The following BEND3 variants were observed in gnomAD, a reference collection of about 807,000 sequenced individuals.
BEND3 encodes the protein BEN domain-containing protein 3.
A neutral mutation model predicts 60.1 loss-of-function variants in BEND3; 13 were observed. The ratio of observed to expected loss-of-function variants is 0.22; its 90% CI spans 0.14 to 0.34. The LOEUF (loss-of-function observed/expected upper bound fraction) is 0.34. Among genes scored for constraint, BEND3 ranks in the 10% least tolerant of loss-of-function variants. BEND3 has a pLI of 1.00. For missense variants in BEND3, 896 were observed against 1,138.1 expected (o/e 0.79, Z 3.06); for synonymous variants, 497 against 491.5 (o/e 1.01, Z -0.15).
chr6:107,069,222 G>C lies in BEND3; in HGVS notation c.1969C>G (p.Gln657Glu). ...GGGCCCGGCACGTGGACCTTGCGCT[G>C]CTGCTGGTAGGAGCGCCTTTGCTCC... Reference protein sequence around the residue: ...DTEQRRSYQQQRKVHVPGPEC... With the variant: ...DTEQRRSYQQERKVHVPGPEC... Residue 657 changes from glutamine to glutamate, a missense_variant, in exon 4 of 4, where the codon CAG (glutamine) becomes GAG (glutamate). By Grantham distance (29) the Gln-to-Glu change is conservative (BLOSUM62 2). Transcript: ENST00000369042. 1.9e-6 allele frequency: 3 copies of C among 1,612,180 alleles called. No individual in the cohort carries two copies. Among genetic ancestry groups the C allele is most frequent in the South Asian group, 2.2e-5 (2 of 90,972 alleles).
chr6:107,074,593 G>A lies in BEND3; in HGVS notation c.241-3643C>T, dbSNP rs570642795. Among the ~76,000 whole-genome samples, 44 of 152,202 alleles carry A rather than the reference G, an allele frequency of 2.9e-4. 1 individual carries two copies. The highest frequency in any genetic ancestry group is 1.9e-4 in the East Asian group (1 of 5,178). ...CCTCAGGGTAAGTCACTCATGGAAG[G>A]CACTTCTTAGAGGTCTGTTTGTCCT... On this transcript the variant is annotated intron_variant, in intron 3 of 3. Coordinates refer to ENST00000369042, the MANE Select transcript of BEND3 (RefSeq NM_001367314.1).
chr6:107,085,634 G>A (rs1554234120), intron 3 of BEND3, among the ~76,000 whole-genome samples: 1 of 151,686 alleles, frequency 6.6e-6, no homozygotes, highest in African/African-American at 2.4e-5. Flanking sequence ...TGGGACTACA[G>A]GCGCCTGCCA....
intron 3 of BEND3, among the ~76,000 whole-genome samples, chr6:107,081,222 C>CTTT (rs371738822): frequency 7.8e-6 from 1 of 128,448 alleles, no homozygotes; most frequent in East Asian, 2.3e-4. Flanking sequence ...TTTACACAAA[C>CTTT]TTTTTTTTTT....
Position 107,070,212 on chromosome 6 carries a change from C to T in BEND3, c.979G>A (p.Glu327Lys), listed in dbSNP as rs782336685. ...SVKDTAVWQA[E>K]CLPQLNDFFS... ...AAGTCGTTCAGCTGGGGCAGGCACTCGGCCTGCCACACAGCCGTGTCCTTC... is the reference window on the plus strand; with the variant it reads ...AAGTCGTTCAGCTGGGGCAGGCACTTGGCCTGCCACACAGCCGTGTCCTTC... The change falls in exon 4 of 4, where the codon GAG becomes AAG. Residue 327 changes from glutamate to lysine, a missense_variant. Transcript: ENST00000369042. This position sits in a 1 kb window ranked among gnomAD's most constrained non-coding sequence, Gnocchi z 6.9. The T allele has an allele frequency of 1.1e-5, 18 of 1,612,410 alleles. No homozygotes were observed. The highest frequency in any genetic ancestry group is 4.0e-5 in the African/African-American group (3 of 74,938).
At position 107,113,458 on chromosome 6, in the gene BEND3, A is replaced by C. The variant is rs74521944; in HGVS notation, c.-12+1632T>G. ...GTCTCAAAAAAAAAAAAAAAACAAA[A>C]AAAAAACTCATGTTCCATGACAGGA... On this transcript the variant is annotated intron_variant, in intron 1 of 3. Transcript: ENST00000369042. Among the ~76,000 whole-genome samples the C allele has an allele frequency of 4.5e-3, 668 of 147,740 alleles. 15 individuals carry two copies. Among genetic ancestry groups the C allele is most frequent in the African/African-American group, 0.016 (607 of 38,278 alleles).
At chr6:107,098,437 T>A (rs1006112033) in intron 3 of BEND3, 114 bp downstream of exon 3, 49 of 1,074,258 alleles carry the variant, frequency 4.6e-5, no homozygotes, top group Non-Finnish European at 6.6e-5. Context: ...AATGAAACCT[T>A]CCCATGCCCA....
Position 107,067,049 on chromosome 6 carries a change from A to G in BEND3, c.*1655T>C, listed in dbSNP as rs1774848428. 1 of 152,208 alleles carries G rather than the reference A, an allele frequency of 6.6e-6. No homozygotes were observed. Among genetic ancestry groups the G allele is most frequent in the Non-Finnish European group, 1.5e-5 (1 of 68,054 alleles). The allele number at this position is 152,208 out of a possible 1,614,324, so 9.4% of individuals were successfully genotyped here. A position where few individuals can be genotyped will look rare whatever the true frequency, so the allele number is the denominator to read the frequency against. ...AAATAATCTGTAAATGACACTTAGG[A>G]GCAAATTTACTAGTTAGATCAGCAA... On this transcript the variant is annotated 3_prime_UTR_variant, in exon 4 of 4. Transcript: ENST00000369042.
At chr6:107,100,398 G>C (rs1210824681) in intron 1 of BEND3, among the ~76,000 whole-genome samples, 1 of 152,094 alleles carries the variant, frequency 6.6e-6, no homozygotes, top group Admixed American at 6.6e-5. Context: ...CTCCCGAGTA[G>C]CTGGGACTAC....
intron 3 of BEND3, among the ~76,000 whole-genome samples, chr6:107,096,311 A>G (rs868958345): frequency 6.6e-6 from 1 of 152,208 alleles, no homozygotes; most frequent in Middle Eastern, 3.2e-3. Flanking sequence ...TGATTACATT[A>G]CATGAAATGC....
Position 107,066,052 on chromosome 6 carries a change from A to G in BEND3, c.*2652T>C, listed in dbSNP as rs1325056595. 6.6e-6 allele frequency: 1 copy of G among 151,624 alleles called. No individual in the cohort carries two copies. Among genetic ancestry groups the G allele is most frequent in the East Asian group, 1.9e-4 (1 of 5,168 alleles). The allele number at this position is 151,624 out of a possible 1,614,324, so 9.4% of individuals were successfully genotyped here. ...TGACTTACTAGTTCATTCAACATCAAAACGTGTCTGTGCTAATCTTTTAGT... is the reference window on the plus strand; with the variant it reads ...TGACTTACTAGTTCATTCAACATCAGAACGTGTCTGTGCTAATCTTTTAGT... On this transcript the variant is annotated 3_prime_UTR_variant, in exon 4 of 4. Coordinates refer to ENST00000369042, the MANE Select transcript of BEND3 (RefSeq NM_001367314.1).
chr6:107,075,184 C>A (rs1310638448), intron 3 of BEND3, among the ~76,000 whole-genome samples: 1 of 151,392 alleles, frequency 6.6e-6, no homozygotes, highest in Admixed American at 6.6e-5. Flanking sequence ...TGTGACTGCA[C>A]CACTGTACCA....
chr6:107,093,534 T>G (rs1399260498), intron 3 of BEND3, among the ~76,000 whole-genome samples: 2 of 150,746 alleles, frequency 1.3e-5, no homozygotes, highest in African/African-American at 4.9e-5. Flanking sequence ...AAAGCTACAG[T>G]AATCAAGACA....
At chr6:107,098,848 C>G in intron 2 of BEND3, 95 bp from the exon 3 acceptor site, 1 of 995,422 alleles carries the variant, frequency 1.0e-6, no homozygotes, top group Non-Finnish European at 1.5e-6. Context: ...GTGGGCCGCC[C>G]TTTGACACCA....
At chr6:107,109,153 TGGGGGCG>T (rs1177197542) in intron 1 of BEND3, among the ~76,000 whole-genome samples, 1 of 147,490 alleles carries the variant, frequency 6.8e-6, no homozygotes, top group Non-Finnish European at 1.5e-5. Context: ...TAAAAATTGG[TGGGGGCG>T]GGGGGCGGTC....
intron 1 of BEND3, among the ~76,000 whole-genome samples, chr6:107,112,208 G>C (rs1554238521): frequency 6.6e-6 from 1 of 152,108 alleles, no homozygotes; most frequent in East Asian, 1.9e-4. Context: ...TTTCTAGGCA[G>C]CGCTAAAAAG....
At chr6:107,075,392 G>A (rs542594740) in intron 3 of BEND3, among the ~76,000 whole-genome samples, 4 of 152,306 alleles carry the variant, frequency 2.6e-5, no homozygotes, top group South Asian at 2.1e-4. Context: ...CAGGTAAGTT[G>A]TATTGCTCTA....
rs1033230265 is a variant in BEND3 at position 107,088,332 on chromosome 6, A to G, written c.240+10219T>C. On this transcript the variant is annotated intron_variant, in intron 3 of 3. Coordinates refer to ENST00000369042, the MANE Select transcript of BEND3 (RefSeq NM_001367314.1). ...GAACAGACTGCCCAAGAACTGTGGG[A>G]TAACTACAAAAGGTGTTACAAAGGG... is the stretch of plus-strand genomic sequence containing the variant. 3.3e-5 allele frequency among the ~76,000 whole-genome samples: 5 copies of G among 152,226 alleles called. No homozygotes were observed. The East Asian group carries it at 7.7e-4, about 23-fold the overall frequency.
chr6:107,096,821 G>A (rs1470985882), intron 3 of BEND3, among the ~76,000 whole-genome samples: 8 of 151,884 alleles, frequency 5.3e-5, no homozygotes, highest in East Asian at 1.9e-4. Context: ...AGGGCTGAGC[G>A]CGGTGACTCA....
intron 3 of BEND3, among the ~76,000 whole-genome samples, chr6:107,097,142 G>T (rs1354860772): frequency 6.6e-6 from 1 of 150,740 alleles, no homozygotes; most frequent in Non-Finnish European, 1.5e-5. Flanking sequence ...TGAGGCAGGC[G>T]GATCACCTGA....
Sources: allele counts gnomAD v4.1 joint callset (sites outside exome capture counted in the v4.1 genomes callset), GRCh38; gene constraint gnomAD v4.1.1; non-coding constraint Gnocchi (gnomAD v3.1); transcripts MANE v1.5; gene names NCBI Gene and HGNC (gene_info 2026-07-23, HGNC 2026-07-21).